TANK: variants seen among roughly 807,000 people sequenced by gnomAD.
TANK encodes TRAF family member-associated NF-kappa-B activator.
TANK carries 15 observed loss-of-function variants against 43.6 expected under a neutral mutation model. The observed-to-expected ratio is 0.34, with a 90% confidence interval of 0.23 to 0.53. The LOEUF is 0.53. Among genes scored for constraint, TANK ranks in the 20% least tolerant of loss-of-function variants. The probability of loss-of-function intolerance (pLI) is 0.94; values close to 1 mark genes in which losing one functional copy is unlikely to be tolerated. For synonymous variants in TANK, 162 were observed against 178.2 expected (o/e 0.91, Z 0.73); for missense variants, 417 against 498.6 (o/e 0.84, Z 1.56).
chr2:161,207,634 A>T (rs919108066), intron 4 of TANK: 5 of 985,324 alleles, frequency 5.1e-6, no homozygotes, highest in Non-Finnish European at 1.2e-6. Flanking sequence ...GTTAGAAAAA[A>T]TACTGGCCCA....
At chr2:161,220,275 T>A (rs1687282549) in intron 4 of TANK, among the ~76,000 whole-genome samples, 2 of 152,204 alleles carry the variant, frequency 1.3e-5, no homozygotes, top group South Asian at 4.1e-4. Flanking sequence ...AATATACATC[T>A]TGTTAAAGAG....
chr2:161,235,765 T>A lies in TANK; in HGVS notation c.*247T>A, dbSNP rs925908276. On this transcript the variant is annotated 3_prime_UTR_variant, in exon 8 of 8. Coordinates refer to ENST00000392749, the MANE Select transcript of TANK (RefSeq NM_001199135.3). The stretch of plus-strand genomic sequence containing the variant: ...TTCTGTATAAAACTGTAATCCTTTG[T>A]ATTCATGTTTACAGTGCTATTACTA... The A allele has an allele frequency of 1.4e-5, 4 of 294,452 alleles. No homozygotes were observed. The highest frequency in any genetic ancestry group is 2.5e-5 in the Non-Finnish European group (4 of 160,266). 18.2% of individuals were successfully genotyped at this position (294,452 alleles called of 1,614,324 possible).
intron 2 of TANK, among the ~76,000 whole-genome samples, chr2:161,192,426 G>T (rs1042038472): frequency 6.6e-6 from 1 of 152,124 alleles, no homozygotes; most frequent in Non-Finnish European, 1.5e-5. Context: ...TACTGATCAC[G>T]AAGTATATTT....
At chr2:161,147,331 C>T (rs1050594713) in intron 1 of TANK, among the ~76,000 whole-genome samples, 1 of 152,204 alleles carries the variant, frequency 6.6e-6, no homozygotes, top group African/African-American at 2.4e-5. Context: ...CAGAGAGCTG[C>T]AGCTGTGGTG....
At chr2:161,192,339 A>T (rs1280617392) in intron 2 of TANK, among the ~76,000 whole-genome samples, 1 of 152,094 alleles carries the variant, frequency 6.6e-6, no homozygotes, top group African/African-American at 2.4e-5. Context: ...GAATAATACT[A>T]CCTTTTATTT....
upstream of TANK, among the ~76,000 whole-genome samples, chr2:161,158,282 T>C (rs1684277402): frequency 6.6e-6 from 1 of 152,204 alleles, no homozygotes; most frequent in African/African-American, 2.4e-5. Flanking sequence ...GGAATAAAAT[T>C]ATGTCATTAT....
intron 2 of TANK, among the ~76,000 whole-genome samples, chr2:161,196,326 A>G (rs930001062): frequency 6.6e-6 from 1 of 152,176 alleles, no homozygotes; most frequent in Non-Finnish European, 1.5e-5. Context: ...AGTTGGCCAC[A>G]TAGATCTATA....
chr2:161,161,054 G>A (rs1684407340), intron 1 of TANK: 1 of 640,256 alleles, frequency 1.6e-6, no homozygotes, highest in Admixed American at 3.1e-5. Flanking sequence ...GGGTGGCCAA[G>A]GCAGGAAGAA....
At chr2:161,229,162 G>A (rs562059959) in intron 6 of TANK, among the ~76,000 whole-genome samples, 2 of 152,348 alleles carry the variant, frequency 1.3e-5, no homozygotes, top group East Asian at 3.9e-4. Context: ...AGTAATGGGA[G>A]GGGACACTTC....
At chr2:161,161,222 T>TG in intron 1 of TANK, 1 of 1,538,480 alleles carries the variant, frequency 6.5e-7, no homozygotes, top group Non-Finnish European at 8.8e-7. Flanking sequence ...TTTATTGTTA[T>TG]GCTATAACGA....
intron 1 of TANK, chr2:161,163,297 G>T (rs1392525733): frequency 6.6e-6 from 1 of 152,152 alleles, no homozygotes; most frequent in East Asian, 1.9e-4. Context: ...TCAGCAAAAT[G>T]GTTCAGAACA....
In TANK at chr2:161,173,778, A is replaced by G. The variant is rs114479313; in HGVS notation, c.-49-5836A>G. ...TTTCCCAGGGAGAAAAGGAGTGCCT[A>G]TTGTGTGTTCAACACTGAACCAGTC... On this transcript the variant is annotated intron_variant, in intron 1 of 7. Coordinates refer to ENST00000392749, the MANE Select transcript of TANK (RefSeq NM_001199135.3). Among the ~76,000 whole-genome samples the G allele has an allele frequency of 2.5e-3, 383 of 152,208 alleles. 3 individuals carry two copies. Among genetic ancestry groups the G allele is most frequent in the South Asian group, 9.9e-3 (48 of 4,828 alleles).
chr2:161,174,792 G>T (rs796149965), intron 1 of TANK, among the ~76,000 whole-genome samples: 3 of 152,192 alleles, frequency 2.0e-5, no homozygotes, highest in African/African-American at 7.2e-5. Flanking sequence ...CTTAAGAATT[G>T]TCTCAGGTTT....
chr2:161,181,061 C>T (rs1167577406), intron 2 of TANK, among the ~76,000 whole-genome samples: 1 of 152,104 alleles, frequency 6.6e-6, no homozygotes, highest in Non-Finnish European at 1.5e-5. Context: ...GAAAGGTTTT[C>T]AAAAGCCAGG....
At chr2:161,188,638 A>G (rs1685773640) in intron 2 of TANK, among the ~76,000 whole-genome samples, 1 of 152,140 alleles carries the variant, frequency 6.6e-6, no homozygotes, top group Non-Finnish European at 1.5e-5. Context: ...TCTTCCAAAA[A>G]CTTGAACAGT....
At chr2:161,163,078 C>T (rs1684516636) in intron 1 of TANK, 1 of 152,126 alleles carries the variant, frequency 6.6e-6, no homozygotes, top group Non-Finnish European at 1.5e-5. Flanking sequence ...GATTGAGATT[C>T]ATTTTATACT....
intron 5 of TANK, 62 bp from the exon 6 acceptor site, chr2:161,224,569 G>T: frequency 1.4e-6 from 1 of 696,168 alleles, no homozygotes; most frequent in Non-Finnish European, 2.3e-6. Flanking sequence ...ACATAAGTTT[G>T]ATTATTTAAA....
At chr2:161,206,960 A>T (rs189028753) in intron 4 of TANK, among the ~76,000 whole-genome samples, 4 of 152,256 alleles carry the variant, frequency 2.6e-5, no homozygotes, top group Non-Finnish European at 5.9e-5. Context: ...TTTTGAAAAT[A>T]AAACCTTGGT....
At chr2:161,192,025 TG>T (rs1685939813) in intron 2 of TANK, among the ~76,000 whole-genome samples, 1 of 152,158 alleles carries the variant, frequency 6.6e-6, no homozygotes, top group Admixed American at 6.5e-5. Context: ...TGACCTCAAG[TG>T]ATCTGCCCAC....
Sources: allele counts gnomAD v4.1 joint callset (sites outside exome capture counted in the v4.1 genomes callset), GRCh38; gene constraint gnomAD v4.1.1; transcripts MANE v1.5; gene names NCBI Gene and HGNC (gene_info 2026-07-23, HGNC 2026-07-21).